Variants in OR2L13 observed in about 807,000 individuals in gnomAD.
The protein encoded by OR2L13 is olfactory receptor 2L13.
OR2L13 carries 14 observed loss-of-function variants against 15.3 expected under a neutral mutation model. That is an observed-to-expected ratio of 0.91 (90% CI 0.60 to 1.43). The LOEUF is 1.43. Ranked by LOEUF, OR2L13 falls within the 40% of genes most tolerant of loss-of-function variation. OR2L13 has a pLI of 0.00. For synonymous variants in OR2L13, 152 were observed against 142.9 expected (o/e 1.06, Z -0.45); for missense variants, 367 against 387.9 (o/e 0.95, Z 0.45).
the OR2L13 span, among the ~76,000 whole-genome samples, chr1:248,000,972 G>A: frequency 1.3e-5 from 2 of 151,706 alleles, no homozygotes; most frequent in African/African-American, 2.4e-5. Context: ...ATTAAAAAGT[G>A]AGCCACCGTT....
At chr1:247,937,506 C>T in the OR2L13 span, 2 of 157,262 alleles carry the variant, frequency 1.3e-5, no homozygotes, top group Non-Finnish European at 2.8e-5. Flanking sequence ...CTGGGGCCTC[C>T]TCTTCCATCA....
chr1:247,951,905 G>A, the OR2L13 span, among the ~76,000 whole-genome samples: 1 of 152,128 alleles, frequency 6.6e-6, no homozygotes, highest in African/African-American at 2.4e-5. Flanking sequence ...ATCAATATGA[G>A]CCCAGGCATA....
chr1:247,987,266 A>G, the OR2L13 span, among the ~76,000 whole-genome samples: 144 of 152,310 alleles, frequency 9.5e-4, no homozygotes, highest in African/African-American at 3.4e-3. Context: ...AACAGTTTTT[A>G]GTGTGTAAAA....
chr1:247,988,498 G>T, the OR2L13 span, among the ~76,000 whole-genome samples: 1 of 151,800 alleles, frequency 6.6e-6, no homozygotes, highest in Non-Finnish European at 1.5e-5. Flanking sequence ...CTTTTTGCAG[G>T]TTTCTGATCA....
At chr1:248,022,577 C>T in the OR2L13 span, 7 of 1,614,070 alleles carry the variant, frequency 4.3e-6, no homozygotes, top group Middle Eastern at 3.3e-4. Flanking sequence ...TGTTTCCCTT[C>T]ACTGGCATTG....
the OR2L13 span, chr1:248,084,707 T>A: frequency 1.4e-6 from 2 of 1,456,632 alleles, no homozygotes; most frequent in African/African-American, 2.8e-5. Context: ...TTCACAAATG[T>A]CATGGTTTGA....
At chr1:247,938,330 T>C in the OR2L13 span, among the ~76,000 whole-genome samples, 4 of 152,092 alleles carry the variant, frequency 2.6e-5, no homozygotes, top group Non-Finnish European at 2.9e-5. Flanking sequence ...ATGCATCAGG[T>C]GCTGTATTTT....
chr1:248,084,200 A>C, the OR2L13 span: 8 of 1,583,974 alleles, frequency 5.1e-6, no homozygotes, highest in Non-Finnish European at 6.9e-6. Flanking sequence ...AGCTCATGAG[A>C]GTGGGATATC....
the OR2L13 span, among the ~76,000 whole-genome samples, chr1:247,977,008 C>G: frequency 6.6e-6 from 1 of 152,150 alleles, no homozygotes; most frequent in Non-Finnish European, 1.5e-5. Context: ...TGTGCTTGTT[C>G]AACTTTATCT....
chr1:248,095,607 C>CTTTTTTTGTTTTTTTTTTTTTTTT (rs1664716175), upstream of OR2L13, among the ~76,000 whole-genome samples: 1 of 37,294 alleles, frequency 2.7e-5, no homozygotes, highest in Non-Finnish European at 5.4e-5. Flanking sequence ...AAAGCTGCTG[C>CTTTTTTTGTTTTTTTTTTTTTTTT]TTTTTTTTTT....
At chr1:247,971,221 T>C in the OR2L13 span, among the ~76,000 whole-genome samples, 1 of 152,114 alleles carries the variant, frequency 6.6e-6, no homozygotes, top group Admixed American at 6.6e-5. Flanking sequence ...TTACTTTGCT[T>C]TTTTTTAGTC....
At chr1:248,078,887 A>G in the OR2L13 span, among the ~76,000 whole-genome samples, 1 of 152,216 alleles carries the variant, frequency 6.6e-6, no homozygotes, top group Non-Finnish European at 1.5e-5. Context: ...AAGTTTACAT[A>G]ATGTATGTTT....
the OR2L13 span, among the ~76,000 whole-genome samples, chr1:247,981,862 C>T: frequency 5.3e-5 from 8 of 151,398 alleles, no homozygotes; most frequent in Non-Finnish European, 8.8e-5. Context: ...GTCGCCCAGG[C>T]TGGAGTGCAG....
At chr1:248,042,353 T>G in the OR2L13 span, 3 of 84,312 alleles carry the variant, frequency 3.6e-5, no homozygotes, top group Non-Finnish European at 4.3e-5. Context: ...TGGGGACTGT[T>G]GTGGGGTGGG....
At chr1:247,979,811 C>A in the OR2L13 span, among the ~76,000 whole-genome samples, 1 of 152,176 alleles carries the variant, frequency 6.6e-6, no homozygotes, top group Non-Finnish European at 1.5e-5. Flanking sequence ...GATGTGGCAT[C>A]TACTGTTATG....
At chr1:247,987,136 CAG>C in the OR2L13 span, among the ~76,000 whole-genome samples, 1 of 152,142 alleles carries the variant, frequency 6.6e-6, no homozygotes, top group Non-Finnish European at 1.5e-5. Flanking sequence ...AGGCTCAAAA[CAG>C]ACACAGTTTT....
the OR2L13 span, chr1:247,990,449 A>T: frequency 1.9e-6 from 3 of 1,582,142 alleles, no homozygotes; most frequent in Non-Finnish European, 2.6e-6. Context: ...TGTATTTCCT[A>T]CTTAGTCAGC....
At chr1:248,088,063 C>T in the OR2L13 span, among the ~76,000 whole-genome samples, 63 of 152,110 alleles carry the variant, frequency 4.1e-4, 4 homozygotes, top group South Asian at 0.012. Flanking sequence ...GCTGTTTGTT[C>T]TATGAACTTT....
At chr1:247,967,900 G>A in the OR2L13 span, among the ~76,000 whole-genome samples, 356 of 145,728 alleles carry the variant, frequency 2.4e-3, no homozygotes, top group Non-Finnish European at 2.6e-3. Flanking sequence ...CTCCTTCCTC[G>A]TCCTCTTCCT....
Sources: allele counts gnomAD v4.1 joint callset (sites outside exome capture counted in the v4.1 genomes callset), GRCh38; gene constraint gnomAD v4.1.1; transcripts MANE v1.5; gene names NCBI Gene and HGNC (gene_info 2026-07-23, HGNC 2026-07-21).